NBAS: variants seen among roughly 807,000 people sequenced by gnomAD.
The protein encoded by NBAS is NAG/BC035112 fusion.
A neutral mutation model predicts 302.5 loss-of-function variants in NBAS; 219 were observed. The ratio of observed to expected loss-of-function variants is 0.72; its 90% confidence interval spans 0.65 to 0.81. NBAS has a LOEUF of 0.81. Ranked by LOEUF, NBAS falls within the 30% of genes least tolerant of loss-of-function variation. The pLI, the probability that NBAS is intolerant of heterozygous loss-of-function variation, is 0.00. For synonymous variants in NBAS, 1,118 were observed against 1,021.6 expected (o/e 1.09, Z -1.80); for missense variants, 2,932 against 2,841.6 (o/e 1.03, Z -0.72).
At chr2:14,866,817 C>T in the NBAS span, among the ~76,000 whole-genome samples, 2 of 152,156 alleles carry the variant, frequency 1.3e-5, no homozygotes, top group African/African-American at 2.4e-5. Context: ...GAGCCAATGT[C>T]CATTTGAACC....
the NBAS span, among the ~76,000 whole-genome samples, chr2:15,057,848 T>C: frequency 1.2e-4 from 19 of 152,352 alleles, no homozygotes; most frequent in Admixed American, 2.6e-4. Flanking sequence ...GTTGGTTCCA[T>C]GATTTTGCTA....
At chr2:15,173,832 C>T (rs1342515284) in intron 51 of NBAS, among the ~76,000 whole-genome samples, 1 of 152,222 alleles carries the variant, frequency 6.6e-6, no homozygotes, top group Non-Finnish European at 1.5e-5. Flanking sequence ...CTCCTTGCTA[C>T]CTTCGTTAAT....
At chr2:14,823,662 A>G in the NBAS span, among the ~76,000 whole-genome samples, 15 of 152,340 alleles carry the variant, frequency 9.8e-5, no homozygotes, top group East Asian at 2.9e-3. Context: ...AACTCAAGTG[A>G]CATTAAAACT....
the NBAS span, among the ~76,000 whole-genome samples, chr2:15,052,532 G>C: frequency 6.6e-6 from 1 of 152,114 alleles, no homozygotes; most frequent in African/African-American, 2.4e-5. Context: ...ATAAAAGAAA[G>C]ACATGCCCCT....
the NBAS span, among the ~76,000 whole-genome samples, chr2:15,161,524 G>A: frequency 6.6e-6 from 1 of 152,156 alleles, no homozygotes; most frequent in Non-Finnish European, 1.5e-5. Context: ...GTACTGCTGA[G>A]GAGAACTTCA....
the NBAS span, among the ~76,000 whole-genome samples, chr2:15,105,008 A>C: frequency 6.6e-6 from 1 of 152,128 alleles, no homozygotes; most frequent in African/African-American, 2.4e-5. Flanking sequence ...AACCAACCCA[A>C]ATGTCCATCA....
the NBAS span, among the ~76,000 whole-genome samples, chr2:14,963,786 T>C: frequency 2.0e-5 from 3 of 152,360 alleles, no homozygotes; most frequent in Non-Finnish European, 4.4e-5. Context: ...CTTCACCACA[T>C]GTGCTTTCCC....
At chr2:15,498,353 AT>A (rs1391489416) in intron 11 of NBAS, among the ~76,000 whole-genome samples, 1 of 152,146 alleles carries the variant, frequency 6.6e-6, no homozygotes, top group African/African-American at 2.4e-5. Flanking sequence ...TAAAATATAT[AT>A]TTATCCCAAT....
chr2:14,830,756 G>A, the NBAS span, among the ~76,000 whole-genome samples: 2 of 152,174 alleles, frequency 1.3e-5, no homozygotes, highest in African/African-American at 2.4e-5. Context: ...AATCAGGGAT[G>A]AGGGTTTGTG....
intron 50 of NBAS, among the ~76,000 whole-genome samples, chr2:15,180,883 G>C (rs1007511971): frequency 6.6e-6 from 1 of 152,172 alleles, no homozygotes; most frequent in East Asian, 1.9e-4. Context: ...TTCTCTGTCT[G>C]ATTAACCGTC....
chr2:15,540,510 C>T (rs1340482314), intron 6 of NBAS, among the ~76,000 whole-genome samples: 1 of 151,988 alleles, frequency 6.6e-6, no homozygotes, highest in East Asian at 1.9e-4. Context: ...AAACAGATCA[C>T]ATTCTTCTGC....
chr2:15,477,231 C>A (rs574280230), intron 13 of NBAS, among the ~76,000 whole-genome samples: 1 of 152,174 alleles, frequency 6.6e-6, no homozygotes, highest in African/African-American at 2.4e-5. Flanking sequence ...TAATATTAAT[C>A]AATATTTTTA....
chr2:15,274,242 T>C (rs899176334), intron 44 of NBAS, among the ~76,000 whole-genome samples: 1 of 152,196 alleles, frequency 6.6e-6, no homozygotes, highest in Admixed American at 6.5e-5. Context: ...AATCTAGTGA[T>C]TTGGTTAAAA....
chr2:14,969,659 G>C, the NBAS span, among the ~76,000 whole-genome samples: 1 of 152,184 alleles, frequency 6.6e-6, no homozygotes, highest in African/African-American at 2.4e-5. Flanking sequence ...TTATAGGCGT[G>C]AGCCACCTTG....
At chr2:14,942,129 T>C in the NBAS span, among the ~76,000 whole-genome samples, 1 of 152,210 alleles carries the variant, frequency 6.6e-6, no homozygotes, top group African/African-American at 2.4e-5. Flanking sequence ...CAAAAGTTTA[T>C]CAGAGAGTTG....
the NBAS span, among the ~76,000 whole-genome samples, chr2:14,879,584 T>C: frequency 6.6e-6 from 1 of 152,134 alleles, no homozygotes; most frequent in Non-Finnish European, 1.5e-5. Flanking sequence ...GATTTGTGAT[T>C]AAGGATTTAT....
the NBAS span, among the ~76,000 whole-genome samples, chr2:14,862,541 A>G: frequency 6.6e-6 from 1 of 152,222 alleles, no homozygotes; most frequent in African/African-American, 2.4e-5. Context: ...GTGAAGAGAA[A>G]AAAACAAACA....
chr2:14,981,555 G>T, the NBAS span, among the ~76,000 whole-genome samples: 1 of 152,278 alleles, frequency 6.6e-6, no homozygotes, highest in South Asian at 2.1e-4. Flanking sequence ...CTTTCCTTGG[G>T]TACCTGCTAC....
chr2:14,994,233 T>G, the NBAS span, among the ~76,000 whole-genome samples: 1 of 152,206 alleles, frequency 6.6e-6, no homozygotes, highest in African/African-American at 2.4e-5. Flanking sequence ...TAAAACCGAT[T>G]GCCATAAACA....
Sources: gnomAD v4.1 joint callset for allele counts (sites outside exome capture counted in the v4.1 genomes callset) on GRCh38, gnomAD v4.1.1 for gene constraint, MANE v1.5 for transcripts, NCBI Gene and HGNC (gene_info 2026-07-23, HGNC 2026-07-21) for gene names.